Variants in GAGE10 observed in about 807,000 individuals in gnomAD.
The protein encoded by GAGE10 is G antigen 10.
In GAGE10, 9 loss-of-function variants were observed where a neutral mutation model predicts 11.5. That is an observed-to-expected ratio of 0.78 (90% CI 0.47 to 1.37). GAGE10 has a LOEUF of 1.37. Ranked by LOEUF, GAGE10 falls within the 40% of genes most tolerant of loss-of-function variation. The pLI, the probability that GAGE10 is intolerant of heterozygous loss-of-function variation, is 0.00. For missense variants in GAGE10, 83 were observed against 92.9 expected (o/e 0.89, Z 0.44); for synonymous variants, 23 against 29.7 (o/e 0.77, Z 0.73).
chrX:49,304,765 A>G, intron 1 of GAGE10, 87 bp from the exon 2 acceptor site: 1 of 1,054,810 alleles, frequency 9.5e-7, no homozygotes, highest in Middle Eastern at 3.6e-4. Context: ...CAAAATTAAA[A>G]CGACAAGTTA....
At chrX:49,306,252 A>G (rs781950454) in intron 3 of GAGE10, among the ~76,000 whole-genome samples, 2 of 112,367 alleles carry the variant, frequency 1.8e-5, no homozygotes, top group Non-Finnish European at 3.8e-5. Context: ...GGATTATTCC[A>G]GGGATGCACT....
chrX:49,316,466 G>A lies in GAGE10; in HGVS notation c.203-697G>A, dbSNP rs781789154. Among the ~76,000 whole-genome samples the A allele has an allele frequency of 9.9e-5, 11 of 111,227 alleles. No homozygotes were observed. The South Asian group carries it at 2.7e-3, about 27-fold the overall frequency. ...CCTTTGGATGTAATCCAACTGGGTC[G>A]GTGCACCTAAATAATTAAATAATTC... On this transcript the variant is annotated intron_variant, in intron 3 of 4. Transcript: ENST00000407599.
chrX:49,311,299 G>C (rs1557124716), intron 3 of GAGE10, among the ~76,000 whole-genome samples: 1 of 112,261 alleles, frequency 8.9e-6, no homozygotes, highest in African/African-American at 3.2e-5. Flanking sequence ...AGTCCTTCTG[G>C]AATACTCCTC....
At chrX:49,314,190 C>T (rs1287700229) in intron 3 of GAGE10, among the ~76,000 whole-genome samples, 4 of 111,927 alleles carry the variant, frequency 3.6e-5, no homozygotes, top group Non-Finnish European at 7.5e-5. Context: ...GAGAAGGATG[C>T]CCACATTGTG....
At chrX:49,315,781 C>T (rs1249939810) in intron 3 of GAGE10, among the ~76,000 whole-genome samples, 1 of 112,155 alleles carries the variant, frequency 8.9e-6, no homozygotes, top group Non-Finnish European at 1.9e-5. Context: ...GAGGATAGTT[C>T]TCAACCTTTG....
chrX:49,304,760 T>C (rs1184168523), intron 1 of GAGE10, 92 bp from the exon 2 acceptor site: 1 of 1,054,243 alleles, frequency 9.5e-7, no homozygotes, highest in Admixed American at 2.2e-5. Flanking sequence ...ATTTTCAAAA[T>C]TAAAACGACA....
chrX:49,317,766 A>G (rs5905730), intron 4 of GAGE10, among the ~76,000 whole-genome samples: 2 of 110,116 alleles, frequency 1.8e-5, no homozygotes, highest in African/African-American at 6.6e-5. Context: ...AGACTGTCAG[A>G]TAGGGAAACA....
chrX:49,315,716 T>C (rs1345598150), intron 3 of GAGE10, among the ~76,000 whole-genome samples: 2 of 112,566 alleles, frequency 1.8e-5, no homozygotes, highest in Non-Finnish European at 3.8e-5. Context: ...AATGCGCAAG[T>C]TGGCCCATGT....
At chrX:49,305,047 TA>T in intron 2 of GAGE10, 107 bp downstream of exon 2, 2 of 1,026,334 alleles carry the variant, frequency 1.9e-6, no homozygotes, top group Non-Finnish European at 2.6e-6. Context: ...TTCCTGCTCA[TA>T]AAAAATGATG....
At chrX:49,308,315 C>T (rs1342495675) in intron 3 of GAGE10, among the ~76,000 whole-genome samples, 1 of 112,480 alleles carries the variant, frequency 8.9e-6, no homozygotes, top group African/African-American at 3.2e-5. Context: ...TTTACTGTCT[C>T]CTTTGTCTGT....
At chrX:49,315,454 C>T (rs147594323) in intron 3 of GAGE10, among the ~76,000 whole-genome samples, 1 of 111,821 alleles carries the variant, frequency 8.9e-6, no homozygotes, top group Admixed American at 9.5e-5. Flanking sequence ...GGGGATATCA[C>T]ACCACAATCT....
At chrX:49,313,339 G>C (rs782132726) in intron 3 of GAGE10, among the ~76,000 whole-genome samples, 1 of 112,260 alleles carries the variant, frequency 8.9e-6, no homozygotes, top group East Asian at 2.8e-4. Flanking sequence ...CTTACGATGG[G>C]ATCAGGTCTT....
At chrX:49,307,675 T>G (rs1334864996) in intron 3 of GAGE10, among the ~76,000 whole-genome samples, 1 of 111,680 alleles carries the variant, frequency 9.0e-6, no homozygotes, top group African/African-American at 3.3e-5. Flanking sequence ...GTTTGTATTT[T>G]TAGTAGAGAT....
intron 3 of GAGE10, among the ~76,000 whole-genome samples, chrX:49,306,110 T>C (rs1247704827): frequency 8.9e-6 from 1 of 112,228 alleles, no homozygotes; most frequent in African/African-American, 3.2e-5. Context: ...TAAGTGGCTT[T>C]TAGGAGGTGA....
intron 3 of GAGE10, among the ~76,000 whole-genome samples, chrX:49,314,170 G>A (rs1276270372): frequency 8.9e-6 from 1 of 111,988 alleles, no homozygotes; most frequent in Non-Finnish European, 1.9e-5. Flanking sequence ...ACTAAAAGGG[G>A]AGAAATCTTG....
In GAGE10 at chrX:49,304,935, A is replaced by G; in HGVS notation, c.76A>G (p.Met26Val). The change falls in exon 2 of 5, where the codon ATG becomes GTG. Residue 26 changes from methionine (M) to valine (V), a missense_variant. By Grantham distance (21) the Met-to-Val change is conservative. This residue lies in a region of GAGE10 where 15 missense variants were observed against 25.5 expected (regional missense o/e 0.59). Coordinates refer to ENST00000407599, the MANE Select transcript of GAGE10 (RefSeq NM_001098413.4). ...YVEPPEMIGP[M>V]LPEQFSDEVE... ...AGAGCCCCCTGAAATGATTGGGCCT[A>G]TGCTGGTGAGTGCTTAAACGTTAAT... 1 of 1,203,993 alleles carries G rather than the reference A, an allele frequency of 8.3e-7. No individual in the cohort carries two copies. Among genetic ancestry groups the G allele is most frequent in the Non-Finnish European group, 1.1e-6 (1 of 889,604 alleles).
At chrX:49,313,071 C>T (rs782652223) in intron 3 of GAGE10, among the ~76,000 whole-genome samples, 2 of 111,971 alleles carry the variant, frequency 1.8e-5, no homozygotes, top group East Asian at 5.6e-4. Context: ...AGGCTGAGGC[C>T]TTCCCCACCA....
chrX:49,310,763 C>T (rs782003382), intron 3 of GAGE10, among the ~76,000 whole-genome samples: 6 of 110,677 alleles, frequency 5.4e-5, no homozygotes, highest in South Asian at 3.9e-4. Context: ...AGCCCCCCCC[C>T]ACAAAGAACT....
At chrX:49,309,446 A>G (rs1420520394) in intron 3 of GAGE10, among the ~76,000 whole-genome samples, 2 of 111,958 alleles carry the variant, frequency 1.8e-5, no homozygotes, top group Non-Finnish European at 3.8e-5. Context: ...ATTCAGACCT[A>G]GTCTTTACAT....
Sources: allele counts gnomAD v4.1 joint callset (sites outside exome capture counted in the v4.1 genomes callset), GRCh38; gene constraint gnomAD v4.1.1; regional missense constraint gnomAD v4.1.1; transcripts MANE v1.5; gene names NCBI Gene and HGNC (gene_info 2026-07-23, HGNC 2026-07-21).